The following GLIS3 variants were observed in gnomAD, a reference collection of about 807,000 sequenced individuals.
GLIS3 encodes GLIS family zinc finger 3.
A neutral mutation model predicts 78.6 loss-of-function variants in GLIS3; 53 were observed. The ratio of observed to expected loss-of-function variants is 0.67; its 90% CI spans 0.54 to 0.85. The LOEUF is 0.85. Ranked by LOEUF, GLIS3 falls within the 40% of genes least tolerant of loss-of-function variation. The probability of loss-of-function intolerance (pLI) is 0.00; values close to 1 mark genes in which losing one functional copy is unlikely to be tolerated. For missense variants in GLIS3, 1,703 were observed against 1,231.1 expected, an observed-to-expected ratio of 1.38 and a Z score of -5.74; for synonymous variants, 684 against 509.9, an observed-to-expected ratio of 1.34 and a Z score of -4.60.
In GLIS3 at chr9:4,054,048, G is replaced by C. The variant is rs1588551868; in HGVS notation, c.1710+63720C>G. ...TTCTTGCTATTTGAATGAGAAAGAAGAACAAATAAAAAATGTATGAGTTAA... is the reference window on the plus strand; with the variant it reads ...TTCTTGCTATTTGAATGAGAAAGAACAACAAATAAAAAATGTATGAGTTAA... On this transcript the variant is annotated intron_variant, in intron 4 of 10. Coordinates refer to ENST00000381971, the MANE Select transcript of GLIS3 (RefSeq NM_001042413.2). Among the ~76,000 whole-genome samples the C allele has an allele frequency of 2.0e-5, 3 of 152,300 alleles. No individual in the cohort carries two copies. In the South Asian group the frequency reaches 6.2e-4, roughly 32 times the overall value.
intron 4 of GLIS3, among the ~76,000 whole-genome samples, chr9:4,053,388 T>A (rs2025810): frequency 0.31 from 47,494 of 151,914 alleles, 8,545 homozygotes; most frequent in East Asian, 0.42. Context: ...GTTGCAAAGC[T>A]CCTCCTCCCA....
intron 6 of GLIS3, among the ~76,000 whole-genome samples, chr9:3,907,166 G>A (rs540232358): frequency 1.6e-4 from 25 of 152,148 alleles, no homozygotes; most frequent in African/African-American, 5.8e-4. Flanking sequence ...ATGTGCACTG[G>A]GGCTTTGTTT....
chr9:4,417,064 G>A, the GLIS3 span, among the ~76,000 whole-genome samples: 91 of 152,198 alleles, frequency 6.0e-4, no homozygotes, highest in African/African-American at 2.1e-3. Flanking sequence ...AACGTCACAT[G>A]AGTTTAGAGT....
intron 2 of GLIS3, among the ~76,000 whole-genome samples, chr9:4,153,314 A>G (rs1410730970): frequency 1.3e-5 from 2 of 152,248 alleles, no homozygotes; most frequent in African/African-American, 4.8e-5. Flanking sequence ...CTGTAATCCC[A>G]GCACTTTGGG....
intron 4 of GLIS3, among the ~76,000 whole-genome samples, chr9:4,104,565 C>T (rs1431466066): frequency 6.6e-6 from 1 of 152,146 alleles, no homozygotes; most frequent in Non-Finnish European, 1.5e-5. Context: ...AAGTCAGACC[C>T]TATCACTCCT....
the GLIS3 span, among the ~76,000 whole-genome samples, chr9:4,448,451 T>C: frequency 2.0e-5 from 3 of 152,230 alleles, no homozygotes; most frequent in Admixed American, 1.3e-4. Flanking sequence ...TTCTCAAAGC[T>C]GAGCCAACTA....
intron 4 of GLIS3, among the ~76,000 whole-genome samples, chr9:3,948,461 T>C (rs1816445081): frequency 6.6e-6 from 1 of 152,162 alleles, no homozygotes; most frequent in African/African-American, 2.4e-5. Flanking sequence ...ATTCAATCAC[T>C]GTCATGCCTG....
At chr9:4,454,853 C>T in the GLIS3 span, among the ~76,000 whole-genome samples, 2 of 152,156 alleles carry the variant, frequency 1.3e-5, no homozygotes, top group Non-Finnish European at 2.9e-5. Flanking sequence ...GGGGATCTCA[C>T]AAATTTGAAG....
Position 4,117,667 on chromosome 9 carries a change from C to A in GLIS3, c.1710+101G>T, listed in dbSNP as rs1243434722. 68 of 1,316,616 alleles carry A rather than the reference C, an allele frequency of 5.2e-5. 1 individual carries two copies. The South Asian group carries it at 7.7e-4, about 15-fold the overall frequency. The allele number at this position is 1,316,616 out of a possible 1,614,324, so 81.6% of individuals were successfully genotyped here. On this transcript the variant is annotated intron_variant, in intron 4 of 10. Coordinates refer to ENST00000381971, the MANE Select transcript of GLIS3 (RefSeq NM_001042413.2). ...CCCCATCTCATGGATACCTAGACCC[C>A]CACGCATGCAAACTCCATGGGCCGA...
intron 4 of GLIS3, among the ~76,000 whole-genome samples, chr9:4,084,709 G>A (rs553727889): frequency 4.5e-4 from 68 of 152,262 alleles, no homozygotes; most frequent in African/African-American, 1.6e-3. Flanking sequence ...GAAGCATGCC[G>A]TACAGTAAAG....
chr9:4,248,948 G>C (rs958764439), intron 2 of GLIS3, among the ~76,000 whole-genome samples: 21 of 152,070 alleles, frequency 1.4e-4, no homozygotes, highest in African/African-American at 4.8e-4. Context: ...TAGATCTGTG[G>C]CATTATTTCT....
At chr9:4,085,870 C>G (rs766436910) in intron 4 of GLIS3, among the ~76,000 whole-genome samples, 1 of 152,180 alleles carries the variant, frequency 6.6e-6, no homozygotes, top group Non-Finnish European at 1.5e-5. Flanking sequence ...TCCACAGAAG[C>G]ACATGCCACT....
chr9:4,240,688 G>C (rs977593345), intron 2 of GLIS3, among the ~76,000 whole-genome samples: 1 of 152,108 alleles, frequency 6.6e-6, no homozygotes, highest in African/African-American at 2.4e-5. Context: ...AAAGGAATGA[G>C]ACAACTATGT....
intron 4 of GLIS3, among the ~76,000 whole-genome samples, chr9:3,973,012 CA>C (rs1818501175): frequency 6.6e-6 from 1 of 152,066 alleles, no homozygotes; most frequent in African/African-American, 2.4e-5. Flanking sequence ...GGGGGTTCCT[CA>C]AAACACCTTC....
At chr9:3,867,715 TTGTGTGTGTGTGTGCGTGCGTG>T (rs763488643) in intron 8 of GLIS3, among the ~76,000 whole-genome samples, 279 of 16,298 alleles carry the variant, frequency 0.017, 2 homozygotes, top group Non-Finnish European at 0.015. Flanking sequence ...TCAACAATTC[TTGTGTGTGTGTGTGCGTGCGTG>T]TGTGTGTGTG....
chr9:4,016,925 C>T (rs915052300), intron 4 of GLIS3, among the ~76,000 whole-genome samples: 7 of 152,230 alleles, frequency 4.6e-5, no homozygotes, highest in East Asian at 3.9e-4. Flanking sequence ...TCTTGGGTAA[C>T]GCAGCCCAAG....
the GLIS3 span, among the ~76,000 whole-genome samples, chr9:4,397,008 C>CCTTTTTT: frequency 4.2e-5 from 6 of 144,122 alleles, no homozygotes; most frequent in Non-Finnish European, 9.0e-5. Flanking sequence ...TTTTGTCAAT[C>CCTTTTTT]CTTTTTTCTT....
chr9:3,904,017 T>C (rs575658240), intron 6 of GLIS3, among the ~76,000 whole-genome samples: 1 of 152,264 alleles, frequency 6.6e-6, no homozygotes, highest in Non-Finnish European at 1.5e-5. Flanking sequence ...CTTGGTACAA[T>C]AGGAAACTCT....
At chr9:4,233,470 C>T (rs1181969320) in intron 2 of GLIS3, among the ~76,000 whole-genome samples, 1 of 152,172 alleles carries the variant, frequency 6.6e-6, no homozygotes. Flanking sequence ...TTGTTAATGA[C>T]TAGTAATATT....
Sources: gnomAD v4.1 joint callset for allele counts (sites outside exome capture counted in the v4.1 genomes callset) on GRCh38, gnomAD v4.1.1 for gene constraint, MANE v1.5 for transcripts, NCBI Gene and HGNC (gene_info 2026-07-23, HGNC 2026-07-21) for gene names.